VAT1L: variants seen among roughly 807,000 people sequenced by gnomAD.
The protein encoded by VAT1L is putative NADPH-dependent quinone oxidoreductase VAT1L.
Under a neutral mutation model 44.1 loss-of-function variants are expected in VAT1L, and 34 were observed. The observed-to-expected ratio is 0.77, with a 90% CI of 0.59 to 1.03. The LOEUF is 1.03. Among genes scored for constraint, VAT1L ranks in the 50% least tolerant of loss-of-function variants. The pLI, the probability that VAT1L is intolerant of heterozygous loss-of-function variation, is 0.00. For synonymous variants in VAT1L, 253 were observed against 202.2 expected (o/e 1.25, Z -2.13); for missense variants, 615 against 538.8 (o/e 1.14, Z -1.40).
intron 8 of VAT1L, among the ~76,000 whole-genome samples, chr16:77,973,648 T>C (rs1390209337): frequency 1.3e-5 from 2 of 151,238 alleles, no homozygotes; most frequent in African/African-American, 2.4e-5. Flanking sequence ...TACATACACA[T>C]TGATTCTTGA....
intron 7 of VAT1L, among the ~76,000 whole-genome samples, chr16:77,953,103 G>A (rs906144468): frequency 6.6e-6 from 1 of 152,162 alleles, no homozygotes; most frequent in African/African-American, 2.4e-5. Context: ...GATGGAGGCA[G>A]AGACAGGAGT....
intron 7 of VAT1L, among the ~76,000 whole-genome samples, chr16:77,912,907 T>C (rs547386468): frequency 1.3e-5 from 2 of 152,262 alleles, no homozygotes; most frequent in Admixed American, 1.3e-4. Context: ...AGACAGGAAG[T>C]TATGGTTTTT....
At chr16:77,921,074 G>C (rs1193425885) in intron 7 of VAT1L, among the ~76,000 whole-genome samples, 1 of 152,142 alleles carries the variant, frequency 6.6e-6, no homozygotes, top group Non-Finnish European at 1.5e-5. Context: ...TCATTTGCCA[G>C]TTTCATTGCC....
At chr16:77,833,456 T>G (rs1334095162) in intron 3 of VAT1L, among the ~76,000 whole-genome samples, 2 of 152,150 alleles carry the variant, frequency 1.3e-5, no homozygotes, top group East Asian at 3.9e-4. Context: ...AGGTTCTTCA[T>G]GAAAAGTGGT....
intron 1 of VAT1L, among the ~76,000 whole-genome samples, chr16:77,814,625 T>G (rs542416957): frequency 6.6e-6 from 1 of 152,160 alleles, no homozygotes; most frequent in African/African-American, 2.4e-5. Context: ...AACAGGGCCT[T>G]GGGAAATCAT....
At position 77,860,346 on chromosome 16, in the gene VAT1L, GC is replaced by G. The variant is rs559563530; in HGVS notation, c.580-2400del. 6.4e-3 allele frequency among the ~76,000 whole-genome samples: 977 copies of G among 152,298 alleles called. 9 individuals carry two copies. Among genetic ancestry groups the G allele is most frequent in the Middle Eastern group, 0.014 (4 of 294 alleles). The stretch of plus-strand genomic sequence containing the variant: ...AGTGTGATGTGTCGCTTTTGGGACA[GC>G]CAGGTGGAGACAAATGCCAAAACGA... On this transcript the variant is annotated intron_variant, in intron 3 of 8. Coordinates refer to ENST00000302536, the MANE Select transcript of VAT1L (RefSeq NM_020927.3).
At chr16:77,883,571 C>G (rs1013790440) in intron 6 of VAT1L, among the ~76,000 whole-genome samples, 1 of 152,142 alleles carries the variant, frequency 6.6e-6, no homozygotes, top group African/African-American at 2.4e-5. Flanking sequence ...GGATGTTTAG[C>G]TGCATCCCTG....
chr16:77,829,501 C>G (rs1292896274), intron 3 of VAT1L, among the ~76,000 whole-genome samples: 1 of 152,198 alleles, frequency 6.6e-6, no homozygotes, highest in African/African-American at 2.4e-5. Context: ...GCAGGATACA[C>G]TCTCATTGGA....
Position 77,977,939 on chromosome 16 carries a change from A to C in VAT1L, c.*244A>C. On this transcript the variant is annotated 3_prime_UTR_variant, in exon 9 of 9. Coordinates refer to ENST00000302536, the MANE Select transcript of VAT1L (RefSeq NM_020927.3). ...TTCCCCTCTCCCCTGTATCAAAACCATCCATCTGTGGGTTCTTCTTGACAG... is the reference window on the plus strand; with the variant it reads ...TTCCCCTCTCCCCTGTATCAAAACCCTCCATCTGTGGGTTCTTCTTGACAG... 2.3e-6 allele frequency: 1 copy of C among 442,484 alleles called. No individual in the cohort carries two copies. The highest frequency in any genetic ancestry group is 2.4e-5 in the South Asian group (1 of 41,466). The allele number at this position is 442,484 out of a possible 1,614,324, so 27.4% of individuals were successfully genotyped here.
At chr16:77,851,362 G>C (rs1371840066) in intron 3 of VAT1L, among the ~76,000 whole-genome samples, 1 of 152,184 alleles carries the variant, frequency 6.6e-6, no homozygotes, top group Non-Finnish European at 1.5e-5. Context: ...AAGAAGAGCA[G>C]AGCTGGCCAG....
In VAT1L at chr16:77,864,385, G is replaced by A. The variant is rs142770564; in HGVS notation, c.722+1495G>A. ...AGGAGGGCAGATCACTTGAGCCCAGGAGTTTGAGACCACCCTGGCCAACAT... is the reference window on the plus strand; with the variant it reads ...AGGAGGGCAGATCACTTGAGCCCAGAAGTTTGAGACCACCCTGGCCAACAT... On this transcript the variant is annotated intron_variant, in intron 4 of 8. Coordinates refer to ENST00000302536, the MANE Select transcript of VAT1L (RefSeq NM_020927.3). Among the ~76,000 whole-genome samples the A allele has an allele frequency of 2.7e-3, 414 of 152,276 alleles. 3 individuals are homozygous for A. The highest frequency in any genetic ancestry group is 9.4e-3 in the African/African-American group (392 of 41,564).
chr16:77,852,008 CA>C (rs1418987023), intron 3 of VAT1L, among the ~76,000 whole-genome samples: 11 of 152,172 alleles, frequency 7.2e-5, no homozygotes, highest in African/African-American at 2.7e-4. Context: ...CCTGCGTGTT[CA>C]AGGCTCCCTT....
chr16:77,961,365 CTCCT>C (rs2018158361), intron 7 of VAT1L, among the ~76,000 whole-genome samples: 1 of 152,166 alleles, frequency 6.6e-6, no homozygotes, highest in Admixed American at 6.5e-5. Flanking sequence ...TCCAGTCTTT[CTCCT>C]TCCTCCCTCG....
chr16:77,811,804 A>G (rs2016270244), intron 1 of VAT1L, among the ~76,000 whole-genome samples: 8 of 152,182 alleles, frequency 5.3e-5, no homozygotes, highest in Admixed American at 3.9e-4. Context: ...GGCCAAGGCT[A>G]GCTTTTAACT....
intron 3 of VAT1L, among the ~76,000 whole-genome samples, chr16:77,841,881 C>CT (rs1480413674): frequency 1.3e-5 from 2 of 150,146 alleles, no homozygotes; most frequent in Non-Finnish European, 3.0e-5. Flanking sequence ...CAAGGGCTTT[C>CT]TTTTTTTCTT....
chr16:77,894,513 G>A (rs1317166086), intron 7 of VAT1L, among the ~76,000 whole-genome samples: 1 of 152,124 alleles, frequency 6.6e-6, no homozygotes, highest in East Asian at 1.9e-4. Flanking sequence ...GTCACAGGAG[G>A]GCTATTTAGA....
intron 7 of VAT1L, among the ~76,000 whole-genome samples, chr16:77,895,368 C>T (rs889280330): frequency 6.6e-6 from 1 of 152,034 alleles, no homozygotes; most frequent in African/African-American, 2.4e-5. Flanking sequence ...CATGTTACCT[C>T]ATATGGCAAA....
intron 3 of VAT1L, among the ~76,000 whole-genome samples, chr16:77,847,444 C>T (rs902533319): frequency 2.6e-5 from 4 of 152,182 alleles, no homozygotes; most frequent in Admixed American, 6.5e-5. Flanking sequence ...CTGTGTACTT[C>T]AAAACTTCGG....
chr16:77,948,718 C>A (rs58626718), intron 7 of VAT1L, among the ~76,000 whole-genome samples: 19,352 of 152,078 alleles, frequency 0.13, 1,300 homozygotes, highest in Middle Eastern at 0.21. Context: ...AATATTATTT[C>A]ATCTGTAAAT....
Sources: gnomAD v4.1 joint callset for allele counts (sites outside exome capture counted in the v4.1 genomes callset) on GRCh38, gnomAD v4.1.1 for gene constraint, MANE v1.5 for transcripts, NCBI Gene and HGNC (gene_info 2026-07-23, HGNC 2026-07-21) for gene names.